The following LRFN2 variants were observed in gnomAD, a reference collection of about 807,000 sequenced individuals.
LRFN2 encodes leucine-rich repeat and fibronectin type-III domain-containing protein 2.
A neutral mutation model predicts 37.3 loss-of-function variants in LRFN2; 18 were observed. That is an observed-to-expected ratio of 0.48 (90% confidence interval 0.33 to 0.72). The LOEUF (loss-of-function observed/expected upper bound fraction) is 0.72. Among genes scored for constraint, LRFN2 ranks in the 30% least tolerant of loss-of-function variants. The pLI, the probability that LRFN2 is intolerant of heterozygous loss-of-function variation, is 0.02. For synonymous variants in LRFN2, 556 were observed against 466.6 expected (o/e 1.19, Z -2.47); for missense variants, 1,006 against 1,060.7 (o/e 0.95, Z 0.72).
intron 2 of LRFN2, among the ~76,000 whole-genome samples, chr6:40,426,074 C>T (rs1164315629): frequency 6.6e-6 from 1 of 152,134 alleles, no homozygotes. Flanking sequence ...ATTTTTGTCT[C>T]TGACCCCAGG....
chr6:40,486,262 C>A (rs1295533219), intron 1 of LRFN2, among the ~76,000 whole-genome samples: 1 of 152,054 alleles, frequency 6.6e-6, no homozygotes, highest in Non-Finnish European at 1.5e-5. Flanking sequence ...AGATAGTGTG[C>A]CGTCCACAGA....
At chr6:40,475,928 A>G (rs1210049822) in intron 1 of LRFN2, among the ~76,000 whole-genome samples, 1 of 152,148 alleles carries the variant, frequency 6.6e-6, no homozygotes, top group Non-Finnish European at 1.5e-5. Flanking sequence ...ATCCCACCCA[A>G]GTGTTTTGCC....
intron 2 of LRFN2, among the ~76,000 whole-genome samples, chr6:40,403,747 T>C (rs1762790344): frequency 6.6e-6 from 1 of 152,188 alleles, no homozygotes; most frequent in Non-Finnish European, 1.5e-5. Context: ...GCCTCTTCTC[T>C]GCAAGTGGTC....
intron 1 of LRFN2, among the ~76,000 whole-genome samples, chr6:40,477,737 C>A (rs1764740012): frequency 6.6e-6 from 1 of 152,158 alleles, no homozygotes; most frequent in Non-Finnish European, 1.5e-5. Context: ...AGGAAAGAGA[C>A]CCCAGCTGGA....
chr6:40,478,070 T>G (rs1363748262), intron 1 of LRFN2, among the ~76,000 whole-genome samples: 3 of 152,144 alleles, frequency 2.0e-5, no homozygotes, highest in Non-Finnish European at 2.9e-5. Flanking sequence ...GCCACAGGGA[T>G]AAGCCGGCAC....
At chr6:40,402,710 C>T (rs1762765719) in intron 2 of LRFN2, among the ~76,000 whole-genome samples, 1 of 152,164 alleles carries the variant, frequency 6.6e-6, no homozygotes, top group Admixed American at 6.6e-5. Flanking sequence ...TTCACATTTC[C>T]TCAATTCATG....
At chr6:40,453,057 T>C (rs1008994815) in intron 1 of LRFN2, among the ~76,000 whole-genome samples, 2 of 152,196 alleles carry the variant, frequency 1.3e-5, no homozygotes, top group Non-Finnish European at 2.9e-5. Flanking sequence ...TGACTCTTCC[T>C]CAATGGGAAT....
At position 40,527,552 on chromosome 6, in the gene LRFN2, A is replaced by T. The variant is rs528422515; in HGVS notation, c.-19+59389T>A. Reference sequence around the variant, plus strand: ...CCAGTCATGGAAGGAAGAGACCTGGAGCCACTGTAGATGATATGTCAGCCT... The same window carrying T: ...CCAGTCATGGAAGGAAGAGACCTGGTGCCACTGTAGATGATATGTCAGCCT... On this transcript the variant is annotated intron_variant, in intron 1 of 2. Coordinates refer to ENST00000338305, the MANE Select transcript of LRFN2 (RefSeq NM_020737.3). Among the ~76,000 whole-genome samples, 3 of 152,344 alleles carry T rather than the reference A, an allele frequency of 2.0e-5. No homozygotes were observed. In the East Asian group the frequency reaches 5.8e-4, roughly 29 times the overall value.
intron 1 of LRFN2, among the ~76,000 whole-genome samples, chr6:40,574,076 T>C (rs1014064993): frequency 6.6e-6 from 1 of 152,204 alleles, no homozygotes; most frequent in African/African-American, 2.4e-5. Context: ...CAAATCTCAT[T>C]GATATTTTGA....
At chr6:40,518,990 G>A (rs1765968163) in intron 1 of LRFN2, among the ~76,000 whole-genome samples, 1 of 152,132 alleles carries the variant, frequency 6.6e-6, no homozygotes, top group Non-Finnish European at 1.5e-5. Flanking sequence ...GAACTGAGCA[G>A]TGGGGAGAGA....
chr6:40,433,218 T>TG, intron 1 of LRFN2, 87 bp from the exon 2 acceptor site: 1 of 1,144,996 alleles, frequency 8.7e-7, no homozygotes. Flanking sequence ...TAACCCTCAC[T>TG]GCCTTAGGGA....
chr6:40,513,356 C>T (rs1389481659), intron 1 of LRFN2, among the ~76,000 whole-genome samples: 3 of 152,082 alleles, frequency 2.0e-5, no homozygotes, highest in Non-Finnish European at 4.4e-5. Flanking sequence ...GCCTCAGCCT[C>T]CCAAGTAGCT....
intron 1 of LRFN2, among the ~76,000 whole-genome samples, chr6:40,532,314 C>T (rs1298552646): frequency 6.6e-6 from 1 of 152,208 alleles, no homozygotes; most frequent in South Asian, 2.1e-4. Flanking sequence ...TATAATGGAC[C>T]TAGTGGTCAC....
intron 1 of LRFN2, among the ~76,000 whole-genome samples, chr6:40,516,638 G>A (rs540355559): frequency 1.3e-5 from 2 of 152,192 alleles, no homozygotes; most frequent in South Asian, 4.1e-4. Flanking sequence ...CCACCAACTT[G>A]CTGGCAAAGT....
At chr6:40,502,579 G>A (rs1474195790) in intron 1 of LRFN2, among the ~76,000 whole-genome samples, 1 of 152,230 alleles carries the variant, frequency 6.6e-6, no homozygotes, top group Non-Finnish European at 1.5e-5. Context: ...ATGGGGAATT[G>A]GAAGGCAAGT....
chr6:40,558,284 C>T (rs1013134795), intron 1 of LRFN2, among the ~76,000 whole-genome samples: 1 of 152,192 alleles, frequency 6.6e-6, no homozygotes, highest in Non-Finnish European at 1.5e-5. Context: ...CCCCTGGCTC[C>T]TGAGGAGACA....
chr6:40,445,559 A>T (rs986620096), intron 1 of LRFN2, among the ~76,000 whole-genome samples: 20 of 152,220 alleles, frequency 1.3e-4, no homozygotes, highest in Non-Finnish European at 2.8e-4. Context: ...TAATGAGGAC[A>T]TTCTAGAAGG....
intron 2 of LRFN2, among the ~76,000 whole-genome samples, chr6:40,409,016 C>T (rs551986428): frequency 1.4e-4 from 21 of 152,346 alleles, no homozygotes; most frequent in South Asian, 2.1e-4. Context: ...AGAGCCCCCT[C>T]GGTAGCCACA....
chr6:40,476,140 A>G (rs935248070), intron 1 of LRFN2, among the ~76,000 whole-genome samples: 8 of 152,060 alleles, frequency 5.3e-5, no homozygotes, highest in African/African-American at 1.9e-4. Context: ...ACAACCCTGT[A>G]CCTTAGTCAG....
Sources: allele counts gnomAD v4.1 joint callset (sites outside exome capture counted in the v4.1 genomes callset), GRCh38; gene constraint gnomAD v4.1.1; transcripts MANE v1.5; gene names NCBI Gene and HGNC (gene_info 2026-07-23, HGNC 2026-07-21).